The following SKAP2 variants were observed in gnomAD, a reference collection of about 807,000 sequenced individuals.
The protein encoded by SKAP2 is src kinase associated phosphoprotein 2.
Under a neutral mutation model 54.9 loss-of-function variants are expected in SKAP2, and 28 were observed. That is an observed-to-expected ratio of 0.51 (90% CI 0.38 to 0.70). The LOEUF (loss-of-function observed/expected upper bound fraction) is 0.70, where lower values mean the gene tolerates loss of function less well. Ranked by LOEUF, SKAP2 falls within the 30% of genes least tolerant of loss-of-function variation. The pLI, the probability that SKAP2 is intolerant of heterozygous loss-of-function variation, is 0.00. For missense variants in SKAP2, 356 were observed against 424.1 expected (o/e 0.84, Z 1.41); for synonymous variants, 137 against 134.3 (o/e 1.02, Z -0.14).
intron 3 of SKAP2, among the ~76,000 whole-genome samples, chr7:26,851,255 CA>C (rs35007326): frequency 0.15 from 14,513 of 99,380 alleles, 1,154 homozygotes; most frequent in East Asian, 0.45. Context: ...CCGTTTTTAC[CA>C]AAAAAAAAAA....
chr7:26,775,694 G>A (rs952490631), intron 4 of SKAP2, among the ~76,000 whole-genome samples: 3 of 151,686 alleles, frequency 2.0e-5, no homozygotes, highest in Non-Finnish European at 2.9e-5. Flanking sequence ...TCCCTCCCAC[G>A]CCCCCTTCCC....
intron 4 of SKAP2, among the ~76,000 whole-genome samples, chr7:26,745,064 A>C (rs1782533733): frequency 6.6e-6 from 1 of 152,096 alleles, no homozygotes; most frequent in Admixed American, 6.5e-5. Context: ...AATTACGACT[A>C]GGTTTCTGAG....
intron 4 of SKAP2, among the ~76,000 whole-genome samples, chr7:26,831,696 T>C (rs1784599162): frequency 6.6e-6 from 1 of 152,118 alleles, no homozygotes; most frequent in East Asian, 1.9e-4. Context: ...ATGAGAAGAC[T>C]CTGAAAAGTT....
At chr7:26,738,320 G>A (rs562247642) in intron 6 of SKAP2, among the ~76,000 whole-genome samples, 3 of 152,288 alleles carry the variant, frequency 2.0e-5, no homozygotes, top group East Asian at 1.9e-4. Context: ...ACGGTGCCCA[G>A]TATATAGTAA....
intron 3 of SKAP2, among the ~76,000 whole-genome samples, chr7:26,850,432 A>G (rs1228770708): frequency 6.6e-6 from 1 of 151,678 alleles, no homozygotes; most frequent in East Asian, 1.9e-4. Context: ...AATACAATAC[A>G]CAGGCAGCGT....
chr7:26,846,690 T>A (rs10227529), intron 3 of SKAP2, among the ~76,000 whole-genome samples: 32,223 of 152,130 alleles, frequency 0.21, 3,502 homozygotes, highest in Non-Finnish European at 0.24. Flanking sequence ...GTTTTTATTT[T>A]AAAAAATAGA....
chr7:26,760,688 G>A lies in SKAP2; in HGVS notation c.308-20724C>T, dbSNP rs540174840. On this transcript the variant is annotated intron_variant, in intron 4 of 12. Transcript: ENST00000345317. Reference sequence around the variant, plus strand: ...ACCTATTTTTGGACCCTGGTTGACTGTGGGCAACTGAAACCACAGAAGCAA... The same window carrying A: ...ACCTATTTTTGGACCCTGGTTGACTATGGGCAACTGAAACCACAGAAGCAA... 9.2e-5 allele frequency among the ~76,000 whole-genome samples: 14 copies of A among 152,234 alleles called. No individual in the cohort carries two copies. The East Asian group carries it at 2.7e-3, about 29-fold the overall frequency.
intron 10 of SKAP2, among the ~76,000 whole-genome samples, chr7:26,688,665 T>C (rs534816903): frequency 6.6e-6 from 1 of 152,342 alleles, no homozygotes; most frequent in South Asian, 2.1e-4. Context: ...TTATAGCCAT[T>C]GCATGAAAGG....
chr7:26,678,882 C>T (rs1339236898), intron 11 of SKAP2, among the ~76,000 whole-genome samples: 2 of 152,082 alleles, frequency 1.3e-5, no homozygotes, highest in Admixed American at 6.5e-5. Flanking sequence ...GAATATCTAG[C>T]TCCATGTTCT....
intron 1 of SKAP2, among the ~76,000 whole-genome samples, 155 bp downstream of exon 1, chr7:26,864,208 C>A (rs1011439492): frequency 1.3e-5 from 2 of 152,000 alleles, no homozygotes; most frequent in South Asian, 4.1e-4. Flanking sequence ...GACAAAACAA[C>A]CCCTCTCCTC....
At chr7:26,767,050 C>A (rs1177376762) in intron 4 of SKAP2, among the ~76,000 whole-genome samples, 6 of 152,146 alleles carry the variant, frequency 3.9e-5, no homozygotes, top group Non-Finnish European at 8.8e-5. Context: ...ATAGTACCAG[C>A]TCCTTTTTGT....
intron 9 of SKAP2, among the ~76,000 whole-genome samples, chr7:26,693,246 C>T (rs1786825277): frequency 6.8e-6 from 1 of 147,716 alleles, no homozygotes; most frequent in African/African-American, 2.5e-5. Flanking sequence ...GAAGGAGAAT[C>T]GCTTGAACCT....
chr7:26,854,720 T>C, intron 2 of SKAP2, 65 bp downstream of exon 2: 2 of 1,444,828 alleles, frequency 1.4e-6, no homozygotes, highest in East Asian at 4.8e-5. Context: ...CGATTTCTTA[T>C]TAAAATGTTA....
At chr7:26,739,348 C>T (rs1782378134) in intron 5 of SKAP2, among the ~76,000 whole-genome samples, 1 of 152,204 alleles carries the variant, frequency 6.6e-6, no homozygotes, top group Non-Finnish European at 1.5e-5. Context: ...AAAAGACTGT[C>T]TGCTTTTCAT....
At chr7:26,686,367 G>A (rs1195766063) in intron 10 of SKAP2, among the ~76,000 whole-genome samples, 5 of 151,986 alleles carry the variant, frequency 3.3e-5, no homozygotes, top group Non-Finnish European at 7.4e-5. Flanking sequence ...GAAAGGAGGA[G>A]GCAGTGGGAG....
chr7:26,833,241 A>C (rs1447658116), intron 4 of SKAP2, among the ~76,000 whole-genome samples: 1 of 151,570 alleles, frequency 6.6e-6, no homozygotes, highest in African/African-American at 2.4e-5. Context: ...AAAACACAAA[A>C]AAAAATTAGC....
chr7:26,663,651 T>C (rs1307376841), downstream of SKAP2, among the ~76,000 whole-genome samples: 1 of 152,116 alleles, frequency 6.6e-6, no homozygotes, highest in Non-Finnish European at 1.5e-5. Context: ...AACCAATCAA[T>C]TAAAACCCAT....
intron 11 of SKAP2, 135 bp from the exon 12 acceptor site, chr7:26,670,327 CTT>C: frequency 1.8e-6 from 1 of 555,520 alleles, no homozygotes; most frequent in East Asian, 2.9e-5. Flanking sequence ...ACATTTTCAT[CTT>C]TTTGTTTCTG....
intron 4 of SKAP2, among the ~76,000 whole-genome samples, chr7:26,775,738 C>G (rs965888642): frequency 6.6e-6 from 1 of 152,086 alleles, no homozygotes; most frequent in Non-Finnish European, 1.5e-5. Context: ...TCCTCCATTT[C>G]CATAATTTTG....
Sources: gnomAD v4.1 joint callset for allele counts (sites outside exome capture counted in the v4.1 genomes callset) on GRCh38, gnomAD v4.1.1 for gene constraint, MANE v1.5 for transcripts, NCBI Gene and HGNC (gene_info 2026-07-23, HGNC 2026-07-21) for gene names.